PPP1R9A: variants seen among roughly 807,000 people sequenced by gnomAD.
The protein encoded by PPP1R9A is neurabin-1.
In PPP1R9A, 59 loss-of-function variants were observed where a neutral mutation model predicts 141.9. The ratio of observed to expected loss-of-function variants is 0.42; its 90% CI spans 0.34 to 0.52. The LOEUF (loss-of-function observed/expected upper bound fraction) is 0.52, where lower values mean the gene tolerates loss of function less well. Among genes scored for constraint, PPP1R9A ranks in the 20% least tolerant of loss-of-function variants. PPP1R9A has a pLI of 0.10. For synonymous variants in PPP1R9A, 500 were observed against 569.7 expected (o/e 0.88, Z 1.74); for missense variants, 1,444 against 1,611.9 (o/e 0.90, Z 1.78).
chr7:94,950,957 A>G (rs1326891439), intron 2 of PPP1R9A, among the ~76,000 whole-genome samples: 10 of 151,874 alleles, frequency 6.6e-5, no homozygotes, highest in Admixed American at 5.9e-4. Context: ...CATGTTGCCC[A>G]GGCTGGTCTC....
At position 95,237,587 on chromosome 7, in the gene PPP1R9A, C is replaced by G. The variant is rs905691074; in HGVS notation, c.2113-9886C>G. Among the ~76,000 whole-genome samples, 5 of 152,022 alleles carry G rather than the reference C, an allele frequency of 3.3e-5. No individual in the cohort carries two copies. In the South Asian group the frequency reaches 6.2e-4, roughly 19 times the overall value. Reference sequence around the variant, plus strand: ...CTTATATTTTGTCTATTTGATCTACCAAATCTGAAAAAGCATATATTAAAA... The same window carrying G: ...CTTATATTTTGTCTATTTGATCTACGAAATCTGAAAAAGCATATATTAAAA... On this transcript the variant is annotated intron_variant, in intron 8 of 19. Transcript: ENST00000433360.
At chr7:95,144,593 G>A (rs548767143) in intron 4 of PPP1R9A, among the ~76,000 whole-genome samples, 39 of 152,030 alleles carry the variant, frequency 2.6e-4, no homozygotes, top group African/African-American at 7.5e-4. Context: ...AATGTACCGC[G>A]GCACAATAAA....
Position 95,094,101 on chromosome 7 carries a change from T to G in PPP1R9A, c.1396-17158T>G, listed in dbSNP as rs200284762. ...AATCTATAGGAGAGACCAACAAATA[T>G]GAAAGAAAGCTTAGCAAACATATAA... On this transcript the variant is annotated intron_variant, in intron 2 of 19. Coordinates refer to ENST00000433360, the MANE Select transcript of PPP1R9A (RefSeq NM_001166160.2). 5.9e-5 allele frequency among the ~76,000 whole-genome samples: 9 copies of G among 152,222 alleles called. No homozygotes were observed. The East Asian group carries it at 1.5e-3, about 26-fold the overall frequency.
chr7:95,075,001 A>G (rs1814624452), intron 2 of PPP1R9A, among the ~76,000 whole-genome samples: 1 of 152,164 alleles, frequency 6.6e-6, no homozygotes, highest in South Asian at 2.1e-4. Flanking sequence ...CATGAACTAC[A>G]TGTCCATGTA....
At chr7:95,233,858 G>A (rs1210072996) in intron 8 of PPP1R9A, among the ~76,000 whole-genome samples, 1 of 152,152 alleles carries the variant, frequency 6.6e-6, no homozygotes, top group African/African-American at 2.4e-5. Flanking sequence ...TACCAGGGAT[G>A]CAGGAATGAT....
chr7:95,039,210 T>A (rs544543312), intron 2 of PPP1R9A, among the ~76,000 whole-genome samples: 191 of 152,240 alleles, frequency 1.3e-3, no homozygotes, highest in African/African-American at 4.5e-3. Context: ...GGACTCTAAT[T>A]TAAGAAGTAG....
chr7:95,260,972 TCTGGTTCAC>T (rs1800345401), intron 12 of PPP1R9A, among the ~76,000 whole-genome samples: 2 of 152,178 alleles, frequency 1.3e-5, no homozygotes, highest in Non-Finnish European at 2.9e-5. Context: ...CATATTATGG[TCTGGTTCAC>T]CTGGTTCACC....
chr7:95,047,817 T>C (rs1810240115), intron 2 of PPP1R9A, among the ~76,000 whole-genome samples: 1 of 152,210 alleles, frequency 6.6e-6, no homozygotes, highest in South Asian at 2.1e-4. Flanking sequence ...GCCTTTGCAG[T>C]TGGAAGTACT....
intron 2 of PPP1R9A, among the ~76,000 whole-genome samples, chr7:94,948,346 G>A (rs1796108939): frequency 6.6e-6 from 1 of 152,058 alleles, no homozygotes; most frequent in South Asian, 2.1e-4. Flanking sequence ...CCATAATGGG[G>A]TGGTTTTGTT....
At chr7:95,076,223 A>G (rs1814836144) in intron 2 of PPP1R9A, among the ~76,000 whole-genome samples, 1 of 152,186 alleles carries the variant, frequency 6.6e-6, no homozygotes, top group African/African-American at 2.4e-5. Flanking sequence ...TTTTAGACAG[A>G]ATGTTGCAGG....
intron 4 of PPP1R9A, among the ~76,000 whole-genome samples, chr7:95,133,499 A>G (rs1825029896): frequency 7.7e-6 from 1 of 129,966 alleles, no homozygotes; most frequent in Non-Finnish European, 1.6e-5. Flanking sequence ...TTAAGGATAT[A>G]TTATGCAGTC....
intron 2 of PPP1R9A, among the ~76,000 whole-genome samples, chr7:95,089,134 T>C (rs1325754612): frequency 6.6e-6 from 1 of 152,100 alleles, no homozygotes; most frequent in East Asian, 1.9e-4. Context: ...ATTTCTCATT[T>C]CTATTTTCTT....
intron 2 of PPP1R9A, among the ~76,000 whole-genome samples, chr7:95,062,735 T>G (rs1316190608): frequency 6.6e-6 from 1 of 152,030 alleles, no homozygotes; most frequent in Non-Finnish European, 1.5e-5. Flanking sequence ...CTAAGTATGA[T>G]TATAAAACTA....
intron 2 of PPP1R9A, among the ~76,000 whole-genome samples, chr7:95,008,057 G>A (rs1803872990): frequency 6.6e-6 from 1 of 152,148 alleles, no homozygotes; most frequent in Admixed American, 6.5e-5. Flanking sequence ...GGGGGACAGA[G>A]TGAGACTCCA....
At chr7:95,179,362 A>C (rs1191294657) in intron 5 of PPP1R9A, among the ~76,000 whole-genome samples, 3 of 152,138 alleles carry the variant, frequency 2.0e-5, no homozygotes, top group Admixed American at 2.0e-4. Context: ...TTGGCATGCA[A>C]GGGACATACC....
chr7:95,052,448 C>A (rs765892884), intron 2 of PPP1R9A, among the ~76,000 whole-genome samples: 1 of 152,084 alleles, frequency 6.6e-6, no homozygotes, highest in Non-Finnish European at 1.5e-5. Flanking sequence ...AGTTAAGAAT[C>A]GTACCCAGGT....
intron 4 of PPP1R9A, among the ~76,000 whole-genome samples, chr7:95,121,459 GTCTATCTATCTA>G (rs35336740): frequency 2.9e-3 from 144 of 50,368 alleles, no homozygotes; most frequent in Middle Eastern, 0.013. Context: ...CTGTCTGTCT[GTCTATCTATCTA>G]TCTATCTATC....
chr7:95,284,478 C>A, intron 17 of PPP1R9A, 148 bp downstream of exon 17: 1 of 831,630 alleles, frequency 1.2e-6, no homozygotes. Flanking sequence ...GCTATTTAAT[C>A]TCAGTTTGAC....
chr7:94,987,715 A>C (rs773593434), intron 2 of PPP1R9A, among the ~76,000 whole-genome samples: 13 of 152,274 alleles, frequency 8.5e-5, no homozygotes, highest in Middle Eastern at 3.4e-3. Flanking sequence ...TTTGTACACT[A>C]TTATGTATGA....
Sources: gnomAD v4.1 joint callset for allele counts (sites outside exome capture counted in the v4.1 genomes callset) on GRCh38, gnomAD v4.1.1 for gene constraint, MANE v1.5 for transcripts, NCBI Gene and HGNC (gene_info 2026-07-23, HGNC 2026-07-21) for gene names.